ACIN1: variants seen among roughly 807,000 people sequenced by gnomAD.
ACIN1 encodes apoptotic chromatin condensation inducer in the nucleus.
In ACIN1, 16 loss-of-function variants were observed where a neutral mutation model predicts 146.6. That is an observed-to-expected ratio of 0.11 (90% CI 0.07 to 0.17). The LOEUF (loss-of-function observed/expected upper bound fraction) is 0.17. ACIN1 is among the 10% of genes least tolerant of loss of function. ACIN1 has a pLI of 1.00. For missense variants in ACIN1, 1,357 were observed against 1,609.3 expected (o/e 0.84, Z 2.68); for synonymous variants, 569 against 582.7 (o/e 0.98, Z 0.34).
At chr14:23,094,853 GGCTCGCGCTGGCGGCCTGAGCGA>G in intron 1 of ACIN1, 99 bp downstream of exon 1, 9 of 1,365,272 alleles carry the variant, frequency 6.6e-6, no homozygotes, top group Non-Finnish European at 7.8e-6. Context: ...CGGATCCAGA[GGCTCGCGCTGGCGGCCTGAGCGA>G]GCTCGCGCCG....
intron 14 of ACIN1, 140 bp downstream of exon 14, chr14:23,062,784 ATATGT>A: frequency 9.3e-7 from 1 of 1,080,560 alleles, no homozygotes; most frequent in East Asian, 2.5e-5. Context: ...AGATGGGTAA[ATATGT>A]TAAGTAACTC....
intron 8 of ACIN1, among the ~76,000 whole-genome samples, chr14:23,073,228 G>A (rs568594973): frequency 2.0e-5 from 3 of 152,282 alleles, no homozygotes; most frequent in East Asian, 3.9e-4. Flanking sequence ...TCTCTACCCT[G>A]CATAATTCCT....
intron 8 of ACIN1, among the ~76,000 whole-genome samples, chr14:23,070,202 G>T (rs1004415728): frequency 6.6e-6 from 1 of 150,620 alleles, no homozygotes; most frequent in East Asian, 2.0e-4. Flanking sequence ...ATGGTGGGGG[G>T]TGGGGGGTGC....
At chr14:23,071,033 A>G (rs1488475189) in intron 8 of ACIN1, 2 of 1,409,128 alleles carry the variant, frequency 1.4e-6, no homozygotes, top group South Asian at 1.3e-5. Flanking sequence ...AACCAAAACG[A>G]AAGACGGAAT....
chr14:23,080,266 G>A lies in ACIN1; in HGVS notation c.1069C>T (p.Pro357Ser), dbSNP rs1349509933. 3.1e-6 allele frequency: 5 copies of A among 1,614,086 alleles called. No homozygotes were observed. The highest frequency in any genetic ancestry group is 4.2e-6 in the Non-Finnish European group (5 of 1,180,042). ...PEQTASEEET[P>S]PPLLTKEASS... ...GCTTCCTTTGTTAGTAAAGGTGGAG[G>A]AGTCTCCTCCTCGCTGGCAGTTTGC... The change falls in exon 6 of 19, where the codon CCT (proline) becomes TCT (serine). Residue 357 changes from proline (P) to serine (S), a missense_variant. Physicochemically the swap from Pro to Ser is moderately conservative, Grantham distance 74. Around this residue, in one of 4 missense-constraint regions of ACIN1, gnomAD observed 771 missense variants for 746.6 expected, o/e 1.03. Coordinates refer to ENST00000605057, the MANE Select transcript of ACIN1 (RefSeq NM_001386863.1).
chr14:23,064,536 G>A (rs781455262), intron 10 of ACIN1, 48 bp from the exon 11 acceptor site: 12 of 1,603,488 alleles, frequency 7.5e-6, no homozygotes, highest in East Asian at 2.2e-5. Context: ...CAGGACCTCT[G>A]CTAGTTCAAA....
At chr14:23,081,871 A>G in intron 4 of ACIN1, 35 bp from the exon 5 acceptor site, 1 of 1,536,014 alleles carries the variant, frequency 6.5e-7, no homozygotes, top group East Asian at 2.2e-5. Flanking sequence ...CAGATTCATG[A>G]AGTGAAGACT....
chr14:23,083,515 G>A (rs747935059), intron 4 of ACIN1, among the ~76,000 whole-genome samples: 7 of 152,252 alleles, frequency 4.6e-5, no homozygotes, highest in Admixed American at 1.3e-4. Flanking sequence ...GGCGGATCAC[G>A]ACGTCAGGAG....
rs1288213932 is a variant in ACIN1, at chr14:23,079,858, A to G, written c.1477T>C (p.Ser493Pro). The G allele has an allele frequency of 1.2e-6, 2 of 1,614,036 alleles. No individual in the cohort carries two copies. Among genetic ancestry groups the G allele is most frequent in the East Asian group, 2.2e-5 (1 of 44,894 alleles). Residue 493 changes from serine (S) to proline (P), a missense_variant, in exon 6 of 19, where the codon TCT becomes CCT. By Grantham distance (74) the Ser-to-Pro change is moderately conservative. Around this residue, in one of 4 missense-constraint regions of ACIN1, gnomAD observed 771 missense variants for 746.6 expected, o/e 1.03. Coordinates refer to ENST00000605057, the MANE Select transcript of ACIN1 (RefSeq NM_001386863.1). Reference sequence around the variant, plus strand: ...CTTCTGCCTTCCTTCTGTTCCAAAGATGGCTGTTTCAGACATTCTTCAGTG... The same window carrying G: ...CTTCTGCCTTCCTTCTGTTCCAAAGGTGGCTGTTTCAGACATTCTTCAGTG... ...GITEECLKQP[S>P]LEQKEGRRAS...
Position 23,078,977 on chromosome 14 carries a change from G to A in ACIN1, c.1850C>T (p.Ser617Phe), listed in dbSNP as rs1224231321. ...TGGAGTTGCAACCTCCTGACCAGAA[G>A]AGGGATCTTTGGTTTCAGTATAGCT... The part of the protein sequence containing the change: ...STSYTETKDP[S>F]SGQEVATPPV... Residue 617 changes from serine to phenylalanine, a missense_variant, in exon 7 of 19, where the codon TCT becomes TTT. Transcript: ENST00000605057. The A allele has an allele frequency of 6.2e-7, 1 of 1,614,248 alleles. No individual in the cohort carries two copies. The highest frequency in any genetic ancestry group is 8.5e-7 in the Non-Finnish European group (1 of 1,180,042).
chr14:23,062,110 T>C, intron 16 of ACIN1, 58 bp downstream of exon 16: 1 of 1,389,458 alleles, frequency 7.2e-7, no homozygotes, highest in African/African-American at 1.4e-5. Context: ...TCAGCTGAAA[T>C]CTAGCAGATA....
Position 23,067,973 on chromosome 14 carries a change from A to T in ACIN1, c.2265+1503T>A. ...TCTCCTCAGGGACTCCAGCTGAGACAGTGGTTCCAGTCAGGTGGATGAAAT... is the reference window on the plus strand; with the variant it reads ...TCTCCTCAGGGACTCCAGCTGAGACTGTGGTTCCAGTCAGGTGGATGAAAT... On this transcript the variant is annotated intron_variant, in intron 9 of 18. Coordinates refer to ENST00000605057, the MANE Select transcript of ACIN1 (RefSeq NM_001386863.1). The surrounding 1 kb of genome is among the most constrained non-coding windows in gnomAD (Gnocchi z 4.6). The T allele has an allele frequency of 1.0e-6, 1 of 985,878 alleles. No individual in the cohort carries two copies. The highest frequency in any genetic ancestry group is 1.2e-6 in the Non-Finnish European group (1 of 829,940). The allele number at this position is 985,878 out of a possible 1,614,324, so 61.1% of individuals were successfully genotyped here.
At chr14:23,065,063 G>A (rs577127072) in intron 10 of ACIN1, among the ~76,000 whole-genome samples, 28 of 152,232 alleles carry the variant, frequency 1.8e-4, no homozygotes, top group Non-Finnish European at 3.7e-4. Context: ...AACTGAGAAG[G>A]ACATGTAAAT....
rs1467309611 is a variant in ACIN1, at chr14:23,059,063, G to T, written c.*85C>A. 7.6e-7 allele frequency: 1 copy of T among 1,312,868 alleles called. No homozygotes were observed. The highest frequency in any genetic ancestry group is 1.5e-5 in the African/African-American group (1 of 68,582). 81.3% of individuals were successfully genotyped at this position (1,312,868 alleles called of 1,614,324 possible). ...TGATGTGAAAGACCCTTGGCTCCAG[G>T]GTGGTGGAGACTGTGCCTATCCCTC... On this transcript the variant is annotated 3_prime_UTR_variant, in exon 19 of 19. Transcript: ENST00000605057.
Position 23,089,997 on chromosome 14 carries a change from T to G in ACIN1, c.421A>C (p.Ser141Arg), listed in dbSNP as rs761276148. The stretch of plus-strand genomic sequence containing the variant: ...AGATACGTACTGGGCGAATGTCTGC[T>G]GAGCTCCAGCTCTGGTCTCTCCAGG... ...SSLERPELEL[S>R]RHSPRKSSSI... The change falls in exon 4 of 19, where the codon AGC becomes CGC. Residue 141 changes from serine to arginine, a missense_variant. Coordinates refer to ENST00000605057, the MANE Select transcript of ACIN1 (RefSeq NM_001386863.1). 1 of 1,612,544 alleles carries G rather than the reference T, an allele frequency of 6.2e-7. No individual in the cohort carries two copies. The highest frequency in any genetic ancestry group is 1.1e-5 in the South Asian group (1 of 90,846).
intron 6 of ACIN1, 103 bp from the exon 7 acceptor site, chr14:23,079,141 G>A (rs2047877436): frequency 1.7e-6 from 2 of 1,179,276 alleles, no homozygotes; most frequent in Non-Finnish European, 2.4e-6. Flanking sequence ...TTTATACTCT[G>A]GACCTTTTTG....
intron 8 of ACIN1, 24 bp from the exon 9 acceptor site, chr14:23,069,641 TGGG>T (rs539553201): frequency 4.9e-5 from 15 of 309,088 alleles, no homozygotes; most frequent in Non-Finnish European, 8.6e-5. Context: ...GGAGTGGTGG[TGGG>T]GGGGCGGGCA....
At chr14:23,066,363 GTC>G (rs2047457921) in intron 9 of ACIN1, 1 of 173,384 alleles carries the variant, frequency 5.8e-6, no homozygotes, top group East Asian at 1.6e-4. Flanking sequence ...CTCTTTCACC[GTC>G]TGAGTCGAGA....
At chr14:23,090,405 T>A in intron 3 of ACIN1, 117 bp downstream of exon 3, 1 of 951,280 alleles carries the variant, frequency 1.1e-6, no homozygotes, top group Non-Finnish European at 1.6e-6. Flanking sequence ...TGAAAGCAAG[T>A]AAGTAGCAGT....
Sources: gnomAD v4.1 joint callset for allele counts (sites outside exome capture counted in the v4.1 genomes callset) on GRCh38, gnomAD v4.1.1 for gene constraint, gnomAD v4.1.1 regional missense constraint, Gnocchi (gnomAD v3.1) non-coding constraint, MANE v1.5 for transcripts, NCBI Gene and HGNC (gene_info 2026-07-23, HGNC 2026-07-21) for gene names.